USP48: variants seen among roughly 807,000 people sequenced by gnomAD.
USP48 encodes ubiquitin specific peptidase 48.
In USP48, 43 loss-of-function variants were observed where a neutral mutation model predicts 150.7. The observed-to-expected ratio is 0.29, with a 90% CI of 0.22 to 0.37. The LOEUF (loss-of-function observed/expected upper bound fraction) is 0.37. USP48 is among the 10% of genes least tolerant of loss of function. The pLI, the probability that USP48 is intolerant of heterozygous loss-of-function variation, is 1.00. For missense variants in USP48, 813 were observed against 1,249.6 expected (o/e 0.65, Z 5.27); for synonymous variants, 396 against 425.9 (o/e 0.93, Z 0.86).
intron 11 of USP48, among the ~76,000 whole-genome samples, chr1:21,727,150 T>C (rs531080598): frequency 6.6e-6 from 1 of 152,286 alleles, no homozygotes; most frequent in African/African-American, 2.4e-5. Context: ...TGATCTTTGT[T>C]TTTTTAAATA....
At chr1:21,726,811 A>G (rs2097738608) in intron 11 of USP48, among the ~76,000 whole-genome samples, 1 of 152,230 alleles carries the variant, frequency 6.6e-6, no homozygotes, top group Non-Finnish European at 1.5e-5. Context: ...AAGGCCATGG[A>G]CATAATCAAC....
At chr1:21,679,535 T>A in intron 26 of USP48, 96 bp from the exon 27 acceptor site, 1 of 1,470,182 alleles carries the variant, frequency 6.8e-7, no homozygotes, top group Non-Finnish European at 9.5e-7. Flanking sequence ...ACAGGGAGCA[T>A]CAAATTTAAT....
intron 8 of USP48, among the ~76,000 whole-genome samples, chr1:21,742,847 C>A (rs1024882717): frequency 2.6e-5 from 4 of 152,146 alleles, no homozygotes; most frequent in African/African-American, 9.7e-5. Context: ...ATAAATAATT[C>A]TCTATGTGCA....
At chr1:21,702,145 CAG>C (rs1048539256) in intron 21 of USP48, among the ~76,000 whole-genome samples, 12 of 152,018 alleles carry the variant, frequency 7.9e-5, no homozygotes, top group African/African-American at 2.9e-4. Context: ...CAGGGAGAAA[CAG>C]AGACATTTAT....
Position 21,721,158 on chromosome 1 carries a change from C to T in USP48, c.1772G>A (p.Gly591Glu), listed in dbSNP as rs2097719717. 1.9e-6 allele frequency: 3 copies of T among 1,614,224 alleles called. No individual in the cohort carries two copies. Among genetic ancestry groups the T allele is most frequent in the Admixed American group, 3.3e-5 (2 of 60,032 alleles). ...CAAGGAGGACTTCCCCACCCAAAATCCATCGCTGCTGTGGAACAGAGAGAA... is the reference window on the plus strand; with the variant it reads ...CAAGGAGGACTTCCCCACCCAAAATTCATCGCTGCTGTGGAACAGAGAGAA... The part of the protein sequence containing the change: ...LLKAAVKGSD[G>E]FWVGKSSLRS... Residue 591 changes from glycine to glutamate, a missense_variant, in exon 14 of 27, where the codon GGA becomes GAA. Gly to Glu is a moderately conservative substitution (Grantham distance 98). Transcript: ENST00000308271.
intron 15 of USP48, among the ~76,000 whole-genome samples, chr1:21,711,052 C>T (rs1429595934): frequency 2.6e-5 from 4 of 151,784 alleles, no homozygotes; most frequent in Non-Finnish European, 5.9e-5. Flanking sequence ...TCTTGAAGTG[C>T]TGAGGTTATA....
At position 21,701,571 on chromosome 1, in the gene USP48, A is replaced by AC. The variant is rs1319780802; in HGVS notation, c.2653dup (p.Val885GlyfsTer3). The AC allele has an allele frequency of 6.2e-7, 1 of 1,613,886 alleles. No homozygotes were observed. ...GTCCTCCTCTGTTTCAGAACTACTC[A>AC]CATTCAGTTCCGGAGCCGAATCCTT... On this transcript the variant is annotated frameshift_variant, in exon 22 of 27. Coordinates refer to ENST00000308271, the MANE Select transcript of USP48 (RefSeq NM_032236.8). LOFTEE classifies it high-confidence loss of function.
chr1:21,683,278 CATA>C (rs1558981483), intron 25 of USP48, among the ~76,000 whole-genome samples: 1 of 152,138 alleles, frequency 6.6e-6, no homozygotes, highest in African/African-American at 2.4e-5. Context: ...AAAAGCCAAA[CATA>C]ATATTTGTAC....
At chr1:21,699,087 T>C (rs529930612) in intron 22 of USP48, among the ~76,000 whole-genome samples, 99 of 151,770 alleles carry the variant, frequency 6.5e-4, no homozygotes, top group African/African-American at 2.2e-3. Flanking sequence ...TGGAGTGCAG[T>C]GGCACAATCT....
At chr1:21,735,045 A>C (rs1226399061) in intron 9 of USP48, among the ~76,000 whole-genome samples, 1 of 152,234 alleles carries the variant, frequency 6.6e-6, no homozygotes, top group African/African-American at 2.4e-5. Flanking sequence ...ACTTAAAGGA[A>C]GGAGAAACAA....
intron 9 of USP48, among the ~76,000 whole-genome samples, chr1:21,734,123 G>C (rs1264109301): frequency 6.6e-6 from 1 of 152,196 alleles, no homozygotes; most frequent in Non-Finnish European, 1.5e-5. Context: ...AACAGGTTGG[G>C]CACGGAAGCT....
chr1:21,763,471 G>T (rs1056257799), intron 1 of USP48, among the ~76,000 whole-genome samples: 1 of 152,262 alleles, frequency 6.6e-6, no homozygotes, highest in African/African-American at 2.4e-5. Flanking sequence ...ATGGGGGGGC[G>T]GGGTTGTGTT....
chr1:21,744,904 T>C (rs1288876034), intron 8 of USP48, among the ~76,000 whole-genome samples: 3 of 151,478 alleles, frequency 2.0e-5, no homozygotes, highest in Admixed American at 1.3e-4. Flanking sequence ...GATGTCTGCA[T>C]ATCTGCAGTC....
chr1:21,706,947 T>G, intron 15 of USP48, 79 bp from the exon 16 acceptor site: 1 of 1,466,058 alleles, frequency 6.8e-7, no homozygotes, highest in Non-Finnish European at 9.2e-7. Context: ...TTCTTAAACT[T>G]AAGAAAAATC....
At chr1:21,770,733 C>G (rs892207626) in intron 1 of USP48, among the ~76,000 whole-genome samples, 1 of 151,680 alleles carries the variant, frequency 6.6e-6, no homozygotes, top group Non-Finnish European at 1.5e-5. Context: ...CCGCCTGCAT[C>G]GGCCTCCCAA....
intron 14 of USP48, among the ~76,000 whole-genome samples, chr1:21,720,222 G>A (rs1424300444): frequency 6.6e-6 from 1 of 152,152 alleles, no homozygotes; most frequent in African/African-American, 2.4e-5. Flanking sequence ...AAACCAAAAT[G>A]TACTGAGCAT....
intron 23 of USP48, among the ~76,000 whole-genome samples, chr1:21,691,052 C>T (rs1196609457): frequency 2.0e-5 from 3 of 152,138 alleles, no homozygotes; most frequent in Admixed American, 1.3e-4. Context: ...CAGTGGCTCT[C>T]GCCTGTAATC....
intron 1 of USP48, among the ~76,000 whole-genome samples, chr1:21,771,458 T>C (rs900309176): frequency 2.7e-5 from 4 of 148,690 alleles, no homozygotes; most frequent in African/African-American, 9.8e-5. Flanking sequence ...TATAATATAA[T>C]GGTTAATTAT....
At chr1:21,749,550 C>CCT (rs1313872270) in intron 6 of USP48, among the ~76,000 whole-genome samples, 1 of 152,044 alleles carries the variant, frequency 6.6e-6, no homozygotes, top group African/African-American at 2.4e-5. Context: ...CCTTGACTCC[C>CCT]CTCTTACTCT....
Sources: allele counts gnomAD v4.1 joint callset (sites outside exome capture counted in the v4.1 genomes callset), GRCh38; gene constraint gnomAD v4.1.1; transcripts MANE v1.5; gene names NCBI Gene and HGNC (gene_info 2026-07-23, HGNC 2026-07-21).